Variants in SGK1 observed in about 807,000 individuals in gnomAD.
The protein encoded by SGK1 is serum/glucocorticoid regulated kinase 1, also known as serine/threonine-protein kinase Sgk1.
A neutral mutation model predicts 64.2 loss-of-function variants in SGK1; 26 were observed. That is an observed-to-expected ratio of 0.40 (90% CI 0.30 to 0.56). SGK1 has a LOEUF of 0.56. SGK1 is among the 20% of genes least tolerant of loss of function. The probability of loss-of-function intolerance (pLI) is 0.38; values close to 1 mark genes in which losing one functional copy is unlikely to be tolerated. For missense variants in SGK1, 519 were observed against 645.6 expected, an observed-to-expected ratio of 0.80 and a Z score of 2.12; for synonymous variants, 265 against 239.7, an observed-to-expected ratio of 1.11 and a Z score of -0.98.
At chr6:134,227,305 T>C (rs1284315095) in intron 2 of SGK1, among the ~76,000 whole-genome samples, 2 of 152,230 alleles carry the variant, frequency 1.3e-5, no homozygotes, top group East Asian at 3.9e-4. Flanking sequence ...TGGCTAATTT[T>C]TGTATTTTTA....
At chr6:134,172,510 G>A (rs1775062802) in intron 9 of SGK1, 152 bp downstream of exon 9, 3 of 777,806 alleles carry the variant, frequency 3.9e-6, no homozygotes, top group African/African-American at 3.5e-5. Context: ...TTCCCCCTTG[G>A]CACTTAAGTC....
rs1323999181 is a variant in SGK1, at chr6:134,170,236, T to C, written c.*32A>G. 1.7e-5 allele frequency: 26 copies of C among 1,563,242 alleles called. No individual in the cohort carries two copies. Among genetic ancestry groups the C allele is most frequent in the Non-Finnish European group, 2.2e-5 (25 of 1,145,926 alleles). ...TAACTAAAACATTCGGAAACACACA[T>C]AAAATCCTTTAAAACCAAGCCCTAA... On this transcript the variant is annotated 3_prime_UTR_variant, in exon 14 of 14. Coordinates refer to ENST00000367858, the MANE Select transcript of SGK1 (RefSeq NM_001143676.3).
At chr6:134,186,500 C>A (rs1190386598) in intron 3 of SGK1, among the ~76,000 whole-genome samples, 3 of 152,134 alleles carry the variant, frequency 2.0e-5, no homozygotes, top group Admixed American at 6.5e-5. Context: ...ATATTCTTAA[C>A]AAAACAGGGA....
intron 2 of SGK1, among the ~76,000 whole-genome samples, chr6:134,234,645 G>C (rs1426121382): frequency 6.6e-6 from 1 of 152,120 alleles, no homozygotes; most frequent in African/African-American, 2.4e-5. Flanking sequence ...GGGAGGCCGG[G>C]GCGGGTGGAT....
At chr6:134,251,880 G>A (rs569311629) in intron 2 of SGK1, among the ~76,000 whole-genome samples, 95 of 152,028 alleles carry the variant, frequency 6.2e-4, no homozygotes, top group Non-Finnish European at 1.1e-3. Flanking sequence ...TCAGCCTCCC[G>A]AGTAGCTGGG....
chr6:134,248,897 A>G (rs1325079537), intron 2 of SGK1, among the ~76,000 whole-genome samples: 1 of 151,964 alleles, frequency 6.6e-6, no homozygotes, highest in African/African-American at 2.4e-5. Flanking sequence ...TTCAACTACT[A>G]TTCTCTGAAG....
rs199616442 is a variant in SGK1, at chr6:134,261,986, C to T, written c.232G>A (p.Val78Ile). Residue 78 changes from valine (V) to isoleucine (I), a missense_variant, in exon 2 of 14, where the codon GTT becomes ATT. Transcript: ENST00000367858. ...CLGEHAFQRG[V>I]LPQENESCSW... Reference sequence around the variant, plus strand: ...CATGACTCGTTCTCCTGAGGGAGAACCCCTCTTTGGAAAGCATGTTCACCC... The same window carrying T: ...CATGACTCGTTCTCCTGAGGGAGAATCCCTCTTTGGAAAGCATGTTCACCC... 74 of 1,613,876 alleles carry T rather than the reference C, an allele frequency of 4.6e-5. No homozygotes were observed. The highest frequency in any genetic ancestry group is 1.5e-4 in the Admixed American group (9 of 60,004).
chr6:134,206,360 TATATATATATATATATATATA>T (rs1277021299), intron 3 of SGK1, among the ~76,000 whole-genome samples: 9 of 7,350 alleles, frequency 1.2e-3, no homozygotes, highest in Non-Finnish European at 3.2e-3. Context: ...TATATATATA[TATATATATATATATATATATA>T]TATTTTTTTT....
chr6:134,290,079 G>T (rs1054703509), intron 1 of SGK1, among the ~76,000 whole-genome samples: 1 of 150,796 alleles, frequency 6.6e-6, no homozygotes, highest in African/African-American at 2.5e-5. Context: ...GAACCCGTGA[G>T]GGGGAGGTTA....
chr6:134,273,520 G>A (rs1257742732), intron 1 of SGK1, among the ~76,000 whole-genome samples: 1 of 142,034 alleles, frequency 7.0e-6, no homozygotes. Flanking sequence ...GTGAACCCGG[G>A]AGGCGGAGCT....
At chr6:134,197,147 C>T (rs1029204034) in intron 3 of SGK1, among the ~76,000 whole-genome samples, 9 of 152,074 alleles carry the variant, frequency 5.9e-5, no homozygotes, top group East Asian at 1.9e-4. Flanking sequence ...ATAAGAGGAT[C>T]GCTTGAACCT....
intron 3 of SGK1, among the ~76,000 whole-genome samples, chr6:134,186,364 T>G (rs1047979549): frequency 2.6e-5 from 4 of 152,158 alleles, no homozygotes; most frequent in Non-Finnish European, 5.9e-5. Flanking sequence ...TAACAATACT[T>G]AAATACTGAC....
intron 1 of SGK1, among the ~76,000 whole-genome samples, chr6:134,314,139 C>G (rs964244042): frequency 2.0e-5 from 3 of 152,044 alleles, no homozygotes; most frequent in African/African-American, 7.2e-5. Flanking sequence ...TTTAGTTGAG[C>G]TTTTAAAATA....
chr6:134,206,512 G>A (rs1014425779), intron 3 of SGK1, among the ~76,000 whole-genome samples: 14 of 148,736 alleles, frequency 9.4e-5, no homozygotes, highest in African/African-American at 3.5e-4. Flanking sequence ...ACGACAAAGG[G>A]ATCTAGTATA....
chr6:134,260,382 C>CCCCG, intron 2 of SGK1: 1 of 143,188 alleles, frequency 7.0e-6, no homozygotes, highest in Non-Finnish European at 1.5e-5. Flanking sequence ...CCACCCCCCC[C>CCCCG]AAAAAAAGGG....
chr6:134,171,798 T>C (rs1362522694), intron 10 of SGK1, 66 bp from the exon 11 acceptor site: 1 of 1,062,374 alleles, frequency 9.4e-7, no homozygotes, highest in East Asian at 2.5e-5. Flanking sequence ...CGACCACACA[T>C]TTAGTTTGAA....
At chr6:134,297,299 C>T (rs981924114) in intron 1 of SGK1, 2 of 1,260,046 alleles carry the variant, frequency 1.6e-6, no homozygotes, top group Admixed American at 1.7e-5. Context: ...TCATCAGCTC[C>T]TGGTACACAC....
chr6:134,256,650 G>A (rs189020068), intron 2 of SGK1, among the ~76,000 whole-genome samples: 2 of 152,272 alleles, frequency 1.3e-5, no homozygotes, highest in Admixed American at 1.3e-4. Context: ...TGGCCTATAA[G>A]TTAGTTTCAG....
intron 1 of SGK1, among the ~76,000 whole-genome samples, chr6:134,293,807 C>T (rs1052876837): frequency 8.5e-5 from 13 of 152,098 alleles, no homozygotes; most frequent in African/African-American, 3.1e-4. Flanking sequence ...CTTGATGACG[C>T]ATGGCAGAAA....
Sources: gnomAD v4.1 joint callset for allele counts (sites outside exome capture counted in the v4.1 genomes callset) on GRCh38, gnomAD v4.1.1 for gene constraint, MANE v1.5 for transcripts, NCBI Gene and HGNC (gene_info 2026-07-23, HGNC 2026-07-21) for gene names.